Variants in STK32B observed in about 807,000 individuals in gnomAD.
The protein encoded by STK32B is serine/threonine kinase 32B.
In STK32B, 43 loss-of-function variants were observed where a neutral mutation model predicts 52.6. The ratio of observed to expected loss-of-function variants is 0.82; its 90% CI spans 0.64 to 1.05. The LOEUF is 1.05. Among genes scored for constraint, STK32B ranks in the 50% least tolerant of loss-of-function variants. STK32B has a pLI of 0.00. For missense variants in STK32B, 621 were observed against 534.6 expected (o/e 1.16, Z -1.59); for synonymous variants, 238 against 204.3 (o/e 1.17, Z -1.41).
intron 2 of STK32B, among the ~76,000 whole-genome samples, chr4:5,147,907 T>A (rs1395079045): frequency 6.6e-6 from 1 of 151,960 alleles, no homozygotes; most frequent in African/African-American, 2.4e-5. Flanking sequence ...TTCAGGGTTA[T>A]AGTAGTCTCA....
intron 3 of STK32B, among the ~76,000 whole-genome samples, chr4:5,224,643 G>A (rs936580735): frequency 6.6e-6 from 1 of 152,244 alleles, no homozygotes; most frequent in South Asian, 2.1e-4. Flanking sequence ...ACTGTCAGAC[G>A]AATCTCAGGC....
intron 4 of STK32B, among the ~76,000 whole-genome samples, chr4:5,362,551 C>T (rs1013591505): frequency 3.9e-5 from 6 of 152,118 alleles, no homozygotes; most frequent in African/African-American, 1.4e-4. Flanking sequence ...TATTGTGGAG[C>T]AAATGGGATG....
intron 4 of STK32B, among the ~76,000 whole-genome samples, chr4:5,347,072 TG>T (rs1335632941): frequency 2.0e-5 from 3 of 152,244 alleles, no homozygotes; most frequent in East Asian, 3.9e-4. Flanking sequence ...TCCCTATACA[TG>T]TGGGGATTAT....
intron 3 of STK32B, among the ~76,000 whole-genome samples, chr4:5,257,043 ATGAG>A (rs1345626026): frequency 2.7e-5 from 4 of 148,846 alleles, no homozygotes; most frequent in Non-Finnish European, 4.4e-5. Context: ...GAATAAGTGA[ATGAG>A]TGAATGAATA....
intron 3 of STK32B, among the ~76,000 whole-genome samples, chr4:5,275,134 C>T (rs992923557): frequency 2.1e-4 from 32 of 152,280 alleles, no homozygotes; most frequent in African/African-American, 7.2e-4. Context: ...TGGAAGTGGC[C>T]CACCGCCATT....
At chr4:5,104,255 G>C (rs1034111389) in intron 1 of STK32B, among the ~76,000 whole-genome samples, 1 of 152,152 alleles carries the variant, frequency 6.6e-6, no homozygotes, top group Non-Finnish European at 1.5e-5. Flanking sequence ...ATGGTTTTAT[G>C]AAGGAGAGTT....
intron 3 of STK32B, among the ~76,000 whole-genome samples, chr4:5,296,630 T>G (rs1214089003): frequency 6.6e-6 from 1 of 152,138 alleles, no homozygotes; most frequent in Non-Finnish European, 1.5e-5. Context: ...TATCCCTCCA[T>G]CCCTTTTATT....
intron 4 of STK32B, among the ~76,000 whole-genome samples, chr4:5,391,662 C>G (rs190523349): frequency 6.6e-6 from 1 of 152,214 alleles, no homozygotes; most frequent in Admixed American, 6.5e-5. Context: ...GAGGTCAAGC[C>G]TACTGGCCAG....
intron 3 of STK32B, among the ~76,000 whole-genome samples, chr4:5,223,683 G>A (rs2108798835): frequency 6.6e-6 from 1 of 152,104 alleles, no homozygotes; most frequent in Non-Finnish European, 1.5e-5. Context: ...CAGGCGTGGT[G>A]GTGGACACCT....
At chr4:5,248,930 TG>T (rs1210660441) in intron 3 of STK32B, among the ~76,000 whole-genome samples, 2 of 128,308 alleles carry the variant, frequency 1.6e-5, no homozygotes, top group Non-Finnish European at 3.2e-5. Flanking sequence ...TGTTGTGGGG[TG>T]GGGGGAGAGG....
intron 4 of STK32B, among the ~76,000 whole-genome samples, chr4:5,391,517 C>A (rs555758513): frequency 2.6e-5 from 4 of 152,182 alleles, no homozygotes; most frequent in Non-Finnish European, 4.4e-5. Flanking sequence ...GAGAAGATTG[C>A]AACTGAGCTG....
intron 3 of STK32B, among the ~76,000 whole-genome samples, chr4:5,181,793 G>T (rs1323763460): frequency 6.6e-6 from 1 of 152,230 alleles, no homozygotes; most frequent in East Asian, 1.9e-4. Context: ...TTTGCTGGTG[G>T]AGTGTCTTGC....
intron 11 of STK32B, among the ~76,000 whole-genome samples, chr4:5,474,409 T>C (rs1422804332): frequency 6.6e-6 from 1 of 152,236 alleles, no homozygotes; most frequent in Non-Finnish European, 1.5e-5. Context: ...TGAACAGATG[T>C]CAATGATTCT....
At chr4:5,147,646 A>G (rs957303848) in intron 2 of STK32B, among the ~76,000 whole-genome samples, 1 of 152,034 alleles carries the variant, frequency 6.6e-6, no homozygotes, top group Non-Finnish European at 1.5e-5. Context: ...GCTGAATTCT[A>G]TCAAATACTT....
intron 3 of STK32B, among the ~76,000 whole-genome samples, chr4:5,289,775 C>A (rs953695335): frequency 2.8e-5 from 4 of 143,624 alleles, no homozygotes; most frequent in African/African-American, 1.0e-4. Flanking sequence ...GATCTCTTGA[C>A]CTTGTGATCC....
chr4:5,440,673 G>C (rs891046386), intron 6 of STK32B, among the ~76,000 whole-genome samples: 31 of 152,176 alleles, frequency 2.0e-4, no homozygotes, highest in Admixed American at 1.8e-3. Flanking sequence ...GGGCATCCCT[G>C]TCTTGTGCTA....
chr4:5,488,241 T>C (rs572367685), intron 11 of STK32B, among the ~76,000 whole-genome samples: 3 of 152,204 alleles, frequency 2.0e-5, no homozygotes, highest in East Asian at 3.9e-4. Flanking sequence ...GAGGTTGCAG[T>C]GAGCTGAGAT....
rs185567161 is a variant in STK32B at position 5,250,044 on chromosome 4, A to G, written c.261-81176A>G. Reference sequence around the variant, plus strand: ...GTTCCTGGGTTAGTTTGCTTAGGGGAATGACCTCCAGTTGCATCCATGTCC... The same window carrying G: ...GTTCCTGGGTTAGTTTGCTTAGGGGGATGACCTCCAGTTGCATCCATGTCC... On this transcript the variant is annotated intron_variant, in intron 3 of 11. Transcript: ENST00000282908. Among the ~76,000 whole-genome samples the G allele has an allele frequency of 7.4e-4, 112 of 152,192 alleles. 1 individual carries two copies. Among genetic ancestry groups the G allele is most frequent in the Admixed American group, 6.8e-3 (104 of 15,270 alleles).
chr4:5,123,510 C>A (rs542399220), intron 1 of STK32B, among the ~76,000 whole-genome samples: 1 of 152,242 alleles, frequency 6.6e-6, no homozygotes, highest in Non-Finnish European at 1.5e-5. Context: ...GCTTCAACAA[C>A]AAACATTTAT....
Sources: allele counts gnomAD v4.1 joint callset (sites outside exome capture counted in the v4.1 genomes callset), GRCh38; gene constraint gnomAD v4.1.1; transcripts MANE v1.5; gene names NCBI Gene and HGNC (gene_info 2026-07-23, HGNC 2026-07-21).